The following PPHLN1 variants were observed in gnomAD, a reference collection of about 807,000 sequenced individuals.
PPHLN1 encodes periphilin-1.
A neutral mutation model predicts 51.3 loss-of-function variants in PPHLN1; 29 were observed. The observed-to-expected ratio is 0.57, with a 90% CI of 0.42 to 0.77. The LOEUF is 0.77. Ranked by LOEUF, PPHLN1 falls within the 30% of genes least tolerant of loss-of-function variation. The pLI is 0.00. For synonymous variants in PPHLN1, 147 were observed against 147.8 expected (o/e 0.99, Z 0.04); for missense variants, 436 against 438.4 (o/e 0.99, Z 0.05).
intron 4 of PPHLN1, among the ~76,000 whole-genome samples, chr12:42,366,224 CTTTTTTT>C (rs34689856): frequency 9.0e-6 from 1 of 111,218 alleles, no homozygotes. Context: ...GTACCGGACA[CTTTTTTT>C]TTTTTTTTTT....
intron 4 of PPHLN1, among the ~76,000 whole-genome samples, chr12:42,362,858 CA>C (rs1464981655): frequency 6.6e-6 from 1 of 152,180 alleles, no homozygotes; most frequent in Non-Finnish European, 1.5e-5. Flanking sequence ...ACTCATTATT[CA>C]GGGTAGTTCT....
At chr12:42,345,285 C>A (rs11181444) in intron 2 of PPHLN1, among the ~76,000 whole-genome samples, 1 of 151,820 alleles carries the variant, frequency 6.6e-6, no homozygotes, top group Non-Finnish European at 1.5e-5. Context: ...AGGGGTGAGA[C>A]CTCATCCCTA....
chr12:42,400,467 CAAAAAAAAAAA>C (rs34462402), intron 9 of PPHLN1: 26 of 95,378 alleles, frequency 2.7e-4, no homozygotes, highest in African/African-American at 1.0e-3. Context: ...GACTCCGTCT[CAAAAAAAAAAA>C]AAAAAAAGAA....
intron 7 of PPHLN1, among the ~76,000 whole-genome samples, chr12:42,393,158 C>T (rs1318281789): frequency 6.6e-6 from 1 of 152,146 alleles, no homozygotes; most frequent in Non-Finnish European, 1.5e-5. Context: ...AATAGCATAT[C>T]TGTACGTTTC....
chr12:42,358,271 A>G (rs2074261795), intron 4 of PPHLN1, among the ~76,000 whole-genome samples: 1 of 152,188 alleles, frequency 6.6e-6, no homozygotes, highest in African/African-American at 2.4e-5. Flanking sequence ...TTTTACATAA[A>G]TGAAATAAAA....
chr12:42,406,422 G>A (rs1477728130), intron 9 of PPHLN1, among the ~76,000 whole-genome samples: 1 of 152,006 alleles, frequency 6.6e-6, no homozygotes, highest in Non-Finnish European at 1.5e-5. Context: ...ATGGAATATA[G>A]TATTTGTGTC....
At chr12:42,383,718 C>T (rs559067556) in intron 5 of PPHLN1, among the ~76,000 whole-genome samples, 24 of 152,180 alleles carry the variant, frequency 1.6e-4, no homozygotes, top group Admixed American at 3.9e-4. Flanking sequence ...TGGTGGCTCA[C>T]GCCTGTAATC....
intron 8 of PPHLN1, among the ~76,000 whole-genome samples, chr12:42,395,034 T>C (rs2078073321): frequency 6.6e-6 from 1 of 152,134 alleles, no homozygotes. Flanking sequence ...CATCATTTTT[T>C]ATCTCAGGTT....
intron 8 of PPHLN1, among the ~76,000 whole-genome samples, chr12:42,397,678 T>G (rs1246595074): frequency 2.0e-5 from 3 of 152,182 alleles, no homozygotes; most frequent in Non-Finnish European, 4.4e-5. Context: ...TAAATGATTT[T>G]TATGCTTTTG....
chr12:42,355,081 T>C, intron 3 of PPHLN1, 80 bp from the exon 4 acceptor site: 3 of 1,310,032 alleles, frequency 2.3e-6, no homozygotes, highest in Non-Finnish European at 3.3e-6. Context: ...TTCGGTCTAG[T>C]TTCTGGTAGT....
intron 7 of PPHLN1, among the ~76,000 whole-genome samples, chr12:42,389,278 C>G (rs993800633): frequency 3.9e-5 from 6 of 152,106 alleles, no homozygotes; most frequent in South Asian, 2.1e-4. Context: ...GAGGCTGAGG[C>G]AGGAGAATGG....
intron 5 of PPHLN1, among the ~76,000 whole-genome samples, chr12:42,377,290 ATT>A (rs2076350980): frequency 7.3e-6 from 1 of 137,378 alleles, no homozygotes; most frequent in African/African-American, 2.7e-5. Flanking sequence ...GACCCTTAAA[ATT>A]TTTTCTTTCT....
Position 42,433,116 on chromosome 12 carries a change from A to C in PPHLN1, c.910-8199A>C, listed in dbSNP as rs144813331. ...AGGCCAAAGTTGTTCAAATGTGACT[A>C]TTTCATTGTAAGTAGCGTCACAAGC... On this transcript the variant is annotated intron_variant, in intron 9 of 9. Coordinates refer to ENST00000358314, the MANE Select transcript of PPHLN1 (RefSeq NM_201439.2). 1,242 of 777,630 alleles carry C rather than the reference A, an allele frequency of 1.6e-3. 10 individuals are homozygous for C. The African/African-American group carries it at 0.019, about 12-fold the overall frequency. 48.2% of individuals were successfully genotyped at this position (777,630 alleles called of 1,614,324 possible). A position where few individuals can be genotyped will look rare whatever the true frequency, so the allele number is the denominator to read the frequency against.
rs544631368 is a variant in PPHLN1 at position 42,326,949 on chromosome 12, G to T, written c.-21+720G>T. Among the ~76,000 whole-genome samples the T allele has an allele frequency of 2.0e-5, 3 of 152,294 alleles. No homozygotes were observed. In the East Asian group the frequency reaches 5.8e-4, roughly 29 times the overall value. On this transcript the variant is annotated intron_variant, in intron 1 of 9. Transcript: ENST00000358314. ...TGCACAATCAATCCAGAGTGAAGCC[G>T]ATGTCTTCTATAGAGACGGAAGTAC...
At chr12:42,396,853 A>AC (rs2078268841) in intron 8 of PPHLN1, among the ~76,000 whole-genome samples, 1 of 134,316 alleles carries the variant, frequency 7.4e-6, no homozygotes. Context: ...AAATAGTGGG[A>AC]CCCCATCTGT....
In PPHLN1 at chr12:42,379,315, A is replaced by C. The variant is rs1002992822; in HGVS notation, c.511+4241A>C. On this transcript the variant is annotated intron_variant, in intron 5 of 9. Coordinates refer to ENST00000358314, the MANE Select transcript of PPHLN1 (RefSeq NM_201439.2). The stretch of plus-strand genomic sequence containing the variant: ...TCCTTTTATGTAGCTCATTCTTTAT[A>C]AAAGAATTAAAATCTTCTTCAGTAA... Among the ~76,000 whole-genome samples the C allele has an allele frequency of 2.0e-5, 3 of 152,050 alleles. No homozygotes were observed. In the East Asian group the frequency reaches 5.8e-4, roughly 29 times the overall value.
chr12:42,344,726 T>TTTTTTG (rs2072022502), intron 2 of PPHLN1, among the ~76,000 whole-genome samples: 1 of 150,720 alleles, frequency 6.6e-6, no homozygotes, highest in Admixed American at 6.6e-5. Context: ...TTTTTTTTTT[T>TTTTTTG]GAGACAGAGT....
rs908505730 is a variant in PPHLN1, at chr12:42,363,333, A to T, written c.299+8111A>T. Among the ~76,000 whole-genome samples the T allele has an allele frequency of 3.7e-4, 30 of 80,816 alleles. 1 individual carries two copies. In the East Asian group the frequency reaches 6.0e-3, roughly 16 times the overall value. 53.0% of individuals were successfully genotyped at this position (80,816 alleles called of 152,430 possible). On this transcript the variant is annotated intron_variant, in intron 4 of 9. Coordinates refer to ENST00000358314, the MANE Select transcript of PPHLN1 (RefSeq NM_201439.2). ...TTTTTAAAATTAATTAATTAATTTA[A>T]AAAAAAATTTTTTTTGTAGTTTGCC...
At chr12:42,407,859 A>C (rs956516098) in intron 9 of PPHLN1, among the ~76,000 whole-genome samples, 2 of 152,214 alleles carry the variant, frequency 1.3e-5, no homozygotes, top group African/African-American at 4.8e-5. Flanking sequence ...GTACATGTTC[A>C]GTACAGATGC....
Sources: allele counts gnomAD v4.1 joint callset (sites outside exome capture counted in the v4.1 genomes callset), GRCh38; gene constraint gnomAD v4.1.1; transcripts MANE v1.5; gene names NCBI Gene and HGNC (gene_info 2026-07-23, HGNC 2026-07-21).